The following RASIP1 variants were observed in gnomAD, a reference collection of about 807,000 sequenced individuals.
The protein encoded by RASIP1 is ras-interacting protein 1.
RASIP1 carries 20 observed loss-of-function variants against 85.3 expected under a neutral mutation model. That is an observed-to-expected ratio of 0.23 (90% CI 0.17 to 0.34). RASIP1 has a LOEUF of 0.34. Among genes scored for constraint, RASIP1 ranks in the 10% least tolerant of loss-of-function variants. RASIP1 has a pLI of 1.00. For missense variants in RASIP1, 1,170 were observed against 1,390.9 expected (o/e 0.84, Z 2.53); for synonymous variants, 617 against 647.1 (o/e 0.95, Z 0.71).
chr19:48,735,825 T>A (rs562457364), intron 3 of RASIP1, among the ~76,000 whole-genome samples: 1 of 151,760 alleles, frequency 6.6e-6, no homozygotes, highest in African/African-American at 2.4e-5. Flanking sequence ...ATACGTAGTC[T>A]CGCTCTGTCG....
intron 3 of RASIP1, chr19:48,737,645 G>T: frequency 4.1e-6 from 4 of 985,064 alleles, no homozygotes; most frequent in Non-Finnish European, 4.8e-6. Context: ...TGCAGGTGTC[G>T]CCCCCTTCTA....
intron 10 of RASIP1, among the ~76,000 whole-genome samples, chr19:48,723,543 G>C (rs978306465): frequency 8.0e-6 from 1 of 125,286 alleles, no homozygotes; most frequent in African/African-American, 3.1e-5. Flanking sequence ...CTGGGTGACA[G>C]AGTGAGACTC....
chr19:48,729,411 G>T lies in RASIP1; in HGVS notation c.1359C>A (p.Ser453=), dbSNP rs1326065900. 1.3e-6 allele frequency: 2 copies of T among 1,557,274 alleles called. No homozygotes were observed. The highest frequency in any genetic ancestry group is 2.4e-5 in the South Asian group (2 of 84,730). The part of the protein sequence containing the change: ...GPEHPAMVRP[S]RGAPVTHNGC... ...CGTTGTGCGTGACTGGGGCGCCCCG[G>T]GACGGGCGCACCATGGCCGGGTGCT... is the stretch of plus-strand genomic sequence containing the variant. The change falls in exon 5 of 12, where the codon TCC becomes TCA. Residue 453 remains serine, a synonymous_variant. Transcript: ENST00000222145.
At position 48,723,697 on chromosome 19, in the gene RASIP1, G is replaced by A. The variant is rs138100757; in HGVS notation, c.2544+640C>T. On this transcript the variant is annotated intron_variant, in intron 10 of 11. Coordinates refer to ENST00000222145, the MANE Select transcript of RASIP1 (RefSeq NM_017805.3). ...GCATTAAACTAGAAGTGCTAAACAGGGTGCCTGGCAGGTAGTTCATGTTCA... is the reference window on the plus strand; with the variant it reads ...GCATTAAACTAGAAGTGCTAAACAGAGTGCCTGGCAGGTAGTTCATGTTCA... Among the ~76,000 whole-genome samples, 5 of 152,228 alleles carry A rather than the reference G, an allele frequency of 3.3e-5. No individual in the cohort carries two copies. The East Asian group carries it at 9.6e-4, about 29-fold the overall frequency.
At position 48,727,386 on chromosome 19, in the gene RASIP1, C is replaced by A. The variant is rs1424260669; in HGVS notation, c.1871+7G>T. 6.2e-7 allele frequency: 1 copy of A among 1,613,588 alleles called. No individual in the cohort carries two copies. The highest frequency in any genetic ancestry group is 2.2e-5 in the East Asian group (1 of 44,892). ...CTCCAGACCACTCTGCTCAGAATTTCTCTTACTTTTCTGGCTGACGGTCTC... is the reference window on the plus strand; with the variant it reads ...CTCCAGACCACTCTGCTCAGAATTTATCTTACTTTTCTGGCTGACGGTCTC... On this transcript the variant is annotated splice_region_variant and intron_variant, in intron 6 of 11. Transcript: ENST00000222145.
At chr19:48,734,482 T>C (rs542245721) in intron 4 of RASIP1, among the ~76,000 whole-genome samples, 1 of 60,464 alleles carries the variant, frequency 1.7e-5, no homozygotes, top group Admixed American at 1.8e-4. Flanking sequence ...CCCGGCTTTT[T>C]TTTCTTTCTT....
chr19:48,721,306 T>C (rs1389014955), intron 11 of RASIP1, among the ~76,000 whole-genome samples: 5 of 151,604 alleles, frequency 3.3e-5, no homozygotes, highest in African/African-American at 1.2e-4. Flanking sequence ...TCCCGAGACC[T>C]GGACTCCTAG....
In RASIP1 at chr19:48,729,263, G is replaced by C. The variant is rs2033401462; in HGVS notation, c.1507C>G (p.Leu503Val). ...GGSGPARPPW[L>V]PARPGATPPG... ...GGCGTGGCCCCGGGGCGCGCGGGCA[G>C]CCACGGCGGCCTCGCAGGCCCCGAG... Residue 503 changes from leucine (L) to valine (V), a missense_variant, in exon 5 of 12, where the codon CTG becomes GTG. Coordinates refer to ENST00000222145, the MANE Select transcript of RASIP1 (RefSeq NM_017805.3). The C allele has an allele frequency of 4.0e-6, 6 of 1,498,830 alleles. No homozygotes were observed. Among genetic ancestry groups the C allele is most frequent in the Non-Finnish European group, 5.3e-6 (6 of 1,128,548 alleles). 92.8% of individuals were successfully genotyped at this position (1,498,830 alleles called of 1,614,324 possible). A position where few individuals can be genotyped will look rare whatever the true frequency, so the allele number is the denominator to read the frequency against.
At chr19:48,733,644 T>A (rs1191554569) in intron 4 of RASIP1, among the ~76,000 whole-genome samples, 1 of 152,006 alleles carries the variant, frequency 6.6e-6, no homozygotes, top group Non-Finnish European at 1.5e-5. Flanking sequence ...CTGTCTCTAC[T>A]AAAAATGCAA....
rs11311120 is a variant in RASIP1, at chr19:48,732,064, CTT to C, written c.1180-2476_1180-2475del. Among the ~76,000 whole-genome samples, 20 of 143,996 alleles carry C rather than the reference CTT, an allele frequency of 1.4e-4. 1 individual carries two copies. Among genetic ancestry groups the C allele is most frequent in the Non-Finnish European group, 2.0e-4 (13 of 65,102 alleles). The allele number at this position is 143,996 out of a possible 152,430, so 94.5% of individuals were successfully genotyped here. The stretch of plus-strand genomic sequence containing the variant: ...AAATGAAACCTTTTTTTTTTAATCT[CTT>C]TTTTTTTTTTCTTTTTTGAGACAGG... On this transcript the variant is annotated intron_variant, in intron 4 of 11. Coordinates refer to ENST00000222145, the MANE Select transcript of RASIP1 (RefSeq NM_017805.3).
At position 48,727,117 on chromosome 19, in the gene RASIP1, G is replaced by A. The variant is rs141745994; in HGVS notation, c.1913C>T (p.Ala638Val). The stretch of plus-strand genomic sequence containing the variant: ...GAGTGGCCGCAGCTCCACAGACACA[G>A]CTTCAGGAGTCAGGGGCACCTCGGG... Reference protein sequence around the residue: ...GVPEVPLTPEAVSVELRPLML... With the variant: ...GVPEVPLTPEVVSVELRPLML... Residue 638 changes from alanine (A) to valine (V), a missense_variant, in exon 7 of 12, where the codon GCT becomes GTT. Ala to Val is a moderately conservative substitution (Grantham distance 64, BLOSUM62 0). Around this residue, in one of 4 missense-constraint regions of RASIP1, gnomAD observed 426 missense variants for 576.2 expected, o/e 0.74. Coordinates refer to ENST00000222145, the MANE Select transcript of RASIP1 (RefSeq NM_017805.3). 1.6e-4 allele frequency: 256 copies of A among 1,614,202 alleles called. 1 individual carries two copies. Among genetic ancestry groups the A allele is most frequent in the Non-Finnish European group, 2.0e-4 (234 of 1,180,038 alleles).
chr19:48,734,186 T>G (rs1222908298), intron 4 of RASIP1, among the ~76,000 whole-genome samples: 1 of 151,126 alleles, frequency 6.6e-6, no homozygotes, highest in East Asian at 2.0e-4. Flanking sequence ...TCCCAGCTAC[T>G]CGGGAGGCTG....
Position 48,728,981 on chromosome 19 carries a change from G to T in RASIP1, c.1789C>A (p.Arg597=). 2 of 1,456,572 alleles carry T rather than the reference G, an allele frequency of 1.4e-6. No homozygotes were observed. The highest frequency in any genetic ancestry group is 1.8e-6 in the Non-Finnish European group (2 of 1,113,052). 90.2% of individuals were successfully genotyped at this position (1,456,572 alleles called of 1,614,324 possible). The change falls in exon 5 of 12, where the codon CGA becomes AGA. Residue 597 remains arginine, a synonymous_variant. Transcript: ENST00000222145. ...ARELELGHLP[R]LLGRLARLIK... is the part of the protein sequence containing the mutation. ...AGCCGGGCCAGGCGGCCCAGCAGTC[G>T]TGGCAGGTGGCCCAGCTCCAGCTCA...
Position 48,740,586 on chromosome 19 carries a change from T to TG in RASIP1, c.-71dup. Reference sequence around the variant, plus strand: ...TGGCCTGGGTCAGTTCCACTGCTCTTGCCTCTGCCACGGCTCCCAGCACTG... The same window carrying TG: ...TGGCCTGGGTCAGTTCCACTGCTCTTGGCCTCTGCCACGGCTCCCAGCACTG... On this transcript the variant is annotated 5_prime_UTR_variant, in exon 1 of 12. Transcript: ENST00000222145. The surrounding 1 kb of genome is among the most constrained non-coding windows in gnomAD (Gnocchi z 5.5). 7.2e-7 allele frequency: 1 copy of TG among 1,386,690 alleles called. No individual in the cohort carries two copies. Among genetic ancestry groups the TG allele is most frequent in the Non-Finnish European group, 9.3e-7 (1 of 1,073,248 alleles). The allele number at this position is 1,386,690 out of a possible 1,614,324, so 85.9% of individuals were successfully genotyped here.
At chr19:48,732,576 T>C (rs2033481988) in intron 4 of RASIP1, among the ~76,000 whole-genome samples, 1 of 151,890 alleles carries the variant, frequency 6.6e-6, no homozygotes, top group Admixed American at 6.6e-5. Context: ...TTTATACAGA[T>C]GAGGTCTCAC....
chr19:48,734,731 C>G (rs1328038029), intron 4 of RASIP1, among the ~76,000 whole-genome samples: 1 of 152,162 alleles, frequency 6.6e-6, no homozygotes, highest in Non-Finnish European at 1.5e-5. Flanking sequence ...AGGTGATCCA[C>G]CCACCAAGGC....
At chr19:48,734,381 A>G (rs1301969705) in intron 4 of RASIP1, among the ~76,000 whole-genome samples, 5 of 151,630 alleles carry the variant, frequency 3.3e-5, no homozygotes, top group African/African-American at 7.3e-5. Flanking sequence ...TGGTGCCATC[A>G]TAGCTCACGG....
At chr19:48,737,857 G>C in intron 3 of RASIP1, 1 of 983,044 alleles carries the variant, frequency 1.0e-6, no homozygotes, top group South Asian at 4.7e-5. Flanking sequence ...GCTCTGCATC[G>C]CTCCCAAGAA....
At position 48,724,192 on chromosome 19, in the gene RASIP1, A is replaced by G; in HGVS notation, c.2544+145T>C. ...TGGTGCTGGCTTCCTTCTACCTGCC[A>G]ATGTGTTACCCACAGTGTCTGAGCT... is the stretch of plus-strand genomic sequence containing the variant. On this transcript the variant is annotated intron_variant, in intron 10 of 11. Coordinates refer to ENST00000222145, the MANE Select transcript of RASIP1 (RefSeq NM_017805.3). This position sits in a 1 kb window ranked among gnomAD's most constrained non-coding sequence, Gnocchi z 4.6. The G allele has an allele frequency of 2.6e-6, 2 of 775,782 alleles. No individual in the cohort carries two copies. The highest frequency in any genetic ancestry group is 4.2e-5 in the South Asian group (2 of 47,586). 48.1% of individuals were successfully genotyped at this position (775,782 alleles called of 1,614,324 possible). A position where few individuals can be genotyped will look rare whatever the true frequency, so the allele number is the denominator to read the frequency against.
Sources: allele counts gnomAD v4.1 joint callset (sites outside exome capture counted in the v4.1 genomes callset), GRCh38; gene constraint gnomAD v4.1.1; regional missense constraint gnomAD v4.1.1; non-coding constraint Gnocchi (gnomAD v3.1); transcripts MANE v1.5; gene names NCBI Gene and HGNC (gene_info 2026-07-23, HGNC 2026-07-21).